Variants in KANK1 observed in about 807,000 individuals in gnomAD.
KANK1 encodes KN motif and ankyrin repeat domain-containing protein 1.
KANK1 carries 109 observed loss-of-function variants against 106.2 expected under a neutral mutation model. The observed-to-expected ratio is 1.03, with a 90% confidence interval of 0.88 to 1.20. The LOEUF (loss-of-function observed/expected upper bound fraction) is 1.20, where lower values mean the gene tolerates loss of function less well. Among genes scored for constraint, KANK1 ranks in the 50% most tolerant of loss-of-function variants. The pLI is 0.00. For missense variants in KANK1, 2,399 were observed against 1,710.7 expected (o/e 1.40, Z -7.10); for synonymous variants, 873 against 652.2 (o/e 1.34, Z -5.16).
chr9:616,770 G>A lies in KANK1; in HGVS notation c.-83-60120G>A, dbSNP rs7029368. ...TTCAGTGTTGACCTCAACCTGTGAT[G>A]GAGCAGCCTCTGCTTATGTCGCTGC... On this transcript the variant is annotated intron_variant, in intron 1 of 11. Transcript: ENST00000382297. 4.6e-3 allele frequency among the ~76,000 whole-genome samples: 705 copies of A among 152,282 alleles called. 10 individuals carry two copies. Among genetic ancestry groups the A allele is most frequent in the African/African-American group, 0.016 (664 of 41,550 alleles).
intron 1 of KANK1, among the ~76,000 whole-genome samples, chr9:523,050 C>T (rs2059621156): frequency 6.6e-6 from 1 of 151,622 alleles, no homozygotes; most frequent in Admixed American, 6.6e-5. Context: ...GTGGTGACCT[C>T]ATCTTCTCTC....
At chr9:577,369 G>A (rs530735774) in intron 1 of KANK1, among the ~76,000 whole-genome samples, 1 of 152,220 alleles carries the variant, frequency 6.6e-6, no homozygotes, top group South Asian at 2.1e-4. Flanking sequence ...CCTTTAGCTA[G>A]ACACAGAGTG....
In KANK1 at chr9:570,097, C is replaced by G. The variant is rs1587902520; in HGVS notation, c.-84+65343C>G. ...TTGGGTTTTTTGTTTGTTTAGATGTCTGTTGTTTCTGTGATGGCTTTGTTT... is the reference window on the plus strand; with the variant it reads ...TTGGGTTTTTTGTTTGTTTAGATGTGTGTTGTTTCTGTGATGGCTTTGTTT... On this transcript the variant is annotated intron_variant, in intron 1 of 11. Transcript: ENST00000382297. Among the ~76,000 whole-genome samples the G allele has an allele frequency of 2.6e-5, 4 of 152,044 alleles. 1 individual carries two copies. In the South Asian group the frequency reaches 8.3e-4, roughly 32 times the overall value.
chr9:729,122 A>G (rs1831526866), intron 3 of KANK1, among the ~76,000 whole-genome samples: 1 of 152,228 alleles, frequency 6.6e-6, no homozygotes, highest in Non-Finnish European at 1.5e-5. Context: ...TAATTACAAA[A>G]TATTATTTAA....
chr9:668,939 G>C (rs1010949601), intron 1 of KANK1, among the ~76,000 whole-genome samples: 1 of 152,116 alleles, frequency 6.6e-6, no homozygotes, highest in Non-Finnish European at 1.5e-5. Flanking sequence ...TGCTGCTAAT[G>C]ATCTGACAGG....
At chr9:537,035 CGA>C (rs966087208) in intron 1 of KANK1, among the ~76,000 whole-genome samples, 4 of 152,074 alleles carry the variant, frequency 2.6e-5, no homozygotes, top group African/African-American at 9.7e-5. Flanking sequence ...GACAAGGAAG[CGA>C]GAGAGAAGCG....
chr9:723,149 G>A (rs1043351648), intron 3 of KANK1, among the ~76,000 whole-genome samples: 3 of 152,162 alleles, frequency 2.0e-5, no homozygotes, highest in Non-Finnish European at 4.4e-5. Flanking sequence ...GGACCACTCT[G>A]AACAGAATGG....
intron 2 of KANK1, among the ~76,000 whole-genome samples, chr9:686,557 C>T (rs1015785149): frequency 6.6e-6 from 1 of 151,998 alleles, no homozygotes; most frequent in African/African-American, 2.4e-5. Flanking sequence ...CATGTCAAAC[C>T]ATTTCAACAA....
Position 636,818 on chromosome 9 carries a change from G to C in KANK1, c.-83-40072G>C, listed in dbSNP as rs181713824. 8.0e-3 allele frequency among the ~76,000 whole-genome samples: 1,220 copies of C among 152,316 alleles called. 20 individuals are homozygous for C. The highest frequency in any genetic ancestry group is 0.028 in the African/African-American group (1,153 of 41,556). On this transcript the variant is annotated intron_variant, in intron 1 of 11. Coordinates refer to ENST00000382297, the MANE Select transcript of KANK1 (RefSeq NM_015158.5). The stretch of plus-strand genomic sequence containing the variant: ...GGAGGTGGAGGTTGCAGTGAGCCGA[G>C]ATTGCCATTGGACTCCAGCCAGGCG...
chr9:539,258 C>T (rs2060461879), intron 1 of KANK1, among the ~76,000 whole-genome samples: 1 of 152,086 alleles, frequency 6.6e-6, no homozygotes, highest in Non-Finnish European at 1.5e-5. Context: ...TTTGTAGTTC[C>T]ATACAATATT....
rs867583825 is a variant in KANK1, at chr9:670,961, T to G, written c.-83-5929T>G. On this transcript the variant is annotated intron_variant, in intron 1 of 11. Coordinates refer to ENST00000382297, the MANE Select transcript of KANK1 (RefSeq NM_015158.5). Reference sequence around the variant, plus strand: ...ACTGTCTGCTGGAGTTTTTTTTTTTTTTTTTTTTTTTTTTTTTACTTCTCA... The same window carrying G: ...ACTGTCTGCTGGAGTTTTTTTTTTTGTTTTTTTTTTTTTTTTTACTTCTCA... Among the ~76,000 whole-genome samples, 367 of 144,390 alleles carry G rather than the reference T, an allele frequency of 2.5e-3. 3 individuals carry two copies. Among genetic ancestry groups the G allele is most frequent in the Middle Eastern group, 0.018 (5 of 282 alleles). The allele number at this position is 144,390 out of a possible 152,430, so 94.7% of individuals were successfully genotyped here. A position where few individuals can be genotyped will look rare whatever the true frequency, so the allele number is the denominator to read the frequency against.
intron 1 of KANK1, among the ~76,000 whole-genome samples, chr9:612,379 G>T (rs577644099): frequency 1.3e-5 from 2 of 152,330 alleles, no homozygotes; most frequent in African/African-American, 4.8e-5. Context: ...CAACAGGAAT[G>T]AATGTAGTTC....
At chr9:742,539 C>T (rs959300919) in intron 10 of KANK1, 134 bp downstream of exon 10, 4 of 645,306 alleles carry the variant, frequency 6.2e-6, no homozygotes, top group Non-Finnish European at 1.1e-5. Context: ...CATCTAGGTG[C>T]CTCCCTTCAC....
chr9:668,445 T>A (rs1346666251), intron 1 of KANK1, among the ~76,000 whole-genome samples: 2 of 152,162 alleles, frequency 1.3e-5, no homozygotes, highest in African/African-American at 4.8e-5. Flanking sequence ...AGATTTCTGT[T>A]TGATTTTTTG....
rs558424711 is a variant in KANK1, at chr9:602,980, A to G, written c.-83-73910A>G. ...GATGGGGTTATCATAGTTACAAATC[A>G]TATTTATCCACAGTGATAATTATCT... On this transcript the variant is annotated intron_variant, in intron 1 of 11. Transcript: ENST00000382297. Among the ~76,000 whole-genome samples, 279 of 151,980 alleles carry G rather than the reference A, an allele frequency of 1.8e-3. 7 individuals are homozygous for G. The highest frequency in any genetic ancestry group is 6.4e-3 in the African/African-American group (262 of 41,242).
chr9:491,455 G>C (rs1042030065), intron 3 of KANK1, among the ~76,000 whole-genome samples: 3 of 151,828 alleles, frequency 2.0e-5, no homozygotes, highest in African/African-American at 7.3e-5. Context: ...TTTTAGTAGA[G>C]ATGGGATTTC....
At chr9:732,705 T>C in intron 6 of KANK1, 88 bp downstream of exon 6, 1 of 1,442,376 alleles carries the variant, frequency 6.9e-7, no homozygotes, top group South Asian at 1.3e-5. Flanking sequence ...CTTTTGTAAT[T>C]AAATGTTTGC....
At chr9:738,940 C>T (rs10491590) in intron 8 of KANK1, among the ~76,000 whole-genome samples, 23,258 of 152,188 alleles carry the variant, frequency 0.15, 3,706 homozygotes, top group African/African-American at 0.41. Context: ...GCTGTCCTTG[C>T]AGAAGTGTGT....
At chr9:497,981 C>T (rs1280943248) in intron 3 of KANK1, among the ~76,000 whole-genome samples, 1 of 152,158 alleles carries the variant, frequency 6.6e-6, no homozygotes, top group African/African-American at 2.4e-5. Flanking sequence ...GGGTGTCTTC[C>T]TTGCTCCCTC....
Sources: gnomAD v4.1 joint callset for allele counts (sites outside exome capture counted in the v4.1 genomes callset) on GRCh38, gnomAD v4.1.1 for gene constraint, MANE v1.5 for transcripts, NCBI Gene and HGNC (gene_info 2026-07-23, HGNC 2026-07-21) for gene names.